The following PSD3 variants were observed in gnomAD, a reference collection of about 807,000 sequenced individuals.
The protein encoded by PSD3 is pleckstrin and Sec7 domain containing 3.
A neutral mutation model predicts 105.5 loss-of-function variants in PSD3; 49 were observed. The observed-to-expected ratio is 0.46, with a 90% CI of 0.37 to 0.59. The LOEUF is 0.59. PSD3 is among the 20% of genes least tolerant of loss of function. The probability of loss-of-function intolerance (pLI) is 0.00; values close to 1 mark genes in which losing one functional copy is unlikely to be tolerated. For synonymous variants in PSD3, 557 were observed against 457.8 expected, an observed-to-expected ratio of 1.22 and a Z score of -2.77; for missense variants, 1,561 against 1,263.8, an observed-to-expected ratio of 1.24 and a Z score of -3.57.
chr8:18,903,310 A>C (rs1313579295), intron 2 of PSD3, among the ~76,000 whole-genome samples: 4 of 152,136 alleles, frequency 2.6e-5, no homozygotes, highest in African/African-American at 9.7e-5. Context: ...ACCTTGTGGT[A>C]GTGACTCTAG....
At chr8:18,616,768 C>T (rs946709815) in intron 11 of PSD3, among the ~76,000 whole-genome samples, 2 of 150,330 alleles carry the variant, frequency 1.3e-5, no homozygotes, top group African/African-American at 2.4e-5. Flanking sequence ...GGACTACAGG[C>T]GCCCGCCACC....
chr8:18,830,123 A>C (rs1227425852), intron 4 of PSD3, among the ~76,000 whole-genome samples: 2 of 151,750 alleles, frequency 1.3e-5, no homozygotes, highest in Non-Finnish European at 2.9e-5. Flanking sequence ...ACGTGCCACA[A>C]CTCCTACAAG....
In PSD3 at chr8:18,647,067, G is replaced by A. The variant is rs527761335; in HGVS notation, c.2216+8575C>T. Among the ~76,000 whole-genome samples the A allele has an allele frequency of 5.9e-5, 9 of 152,238 alleles. No individual in the cohort carries two copies. The East Asian group carries it at 1.3e-3, about 23-fold the overall frequency. The stretch of plus-strand genomic sequence containing the variant: ...TACATGCACACACTCACACCTTCAT[G>A]GGCAGTGTTAAACATAATGGCAAAG... On this transcript the variant is annotated intron_variant, in intron 10 of 15. Coordinates refer to ENST00000327040, the MANE Select transcript of PSD3 (RefSeq NM_015310.4).
intron 1 of PSD3, among the ~76,000 whole-genome samples, chr8:19,083,862 C>T (rs1829723392): frequency 6.6e-6 from 1 of 152,252 alleles, no homozygotes; most frequent in South Asian, 2.1e-4. Flanking sequence ...ATGCCTAGCA[C>T]ATCACAGGAC....
chr8:18,803,851 G>C (rs925692064), intron 6 of PSD3, among the ~76,000 whole-genome samples: 1 of 152,044 alleles, frequency 6.6e-6, no homozygotes, highest in African/African-American at 2.4e-5. Flanking sequence ...CATGGAGATG[G>C]ACGGTGGTGA....
chr8:18,903,925 G>A (rs1819673246), intron 2 of PSD3, among the ~76,000 whole-genome samples: 2 of 152,166 alleles, frequency 1.3e-5, no homozygotes, highest in African/African-American at 4.8e-5. Flanking sequence ...CTCAGCCCAA[G>A]AAGGCGGGGA....
intron 14 of PSD3, among the ~76,000 whole-genome samples, chr8:18,564,654 A>C (rs1801618772): frequency 6.7e-6 from 1 of 150,272 alleles, no homozygotes; most frequent in African/African-American, 2.4e-5. Flanking sequence ...AGATATTTAG[A>C]GGGTAGAAGT....
intron 2 of PSD3, among the ~76,000 whole-genome samples, chr8:18,917,093 C>A (rs1178610345): frequency 6.6e-6 from 1 of 152,162 alleles, no homozygotes; most frequent in East Asian, 1.9e-4. Context: ...CACCCAGCTG[C>A]CCAAAGCAGA....
intron 14 of PSD3, among the ~76,000 whole-genome samples, chr8:18,558,027 A>G (rs6981532): frequency 0.15 from 23,466 of 152,188 alleles, 2,041 homozygotes; most frequent in East Asian, 0.38. Flanking sequence ...GCAAGCACCA[A>G]TGGAAGGCCA....
At chr8:18,577,135 G>C (rs970712586) in intron 12 of PSD3, among the ~76,000 whole-genome samples, 1 of 151,820 alleles carries the variant, frequency 6.6e-6, no homozygotes, top group Non-Finnish European at 1.5e-5. Context: ...TTTCTAGATA[G>C]TTTGTAGTTT....
intron 9 of PSD3, among the ~76,000 whole-genome samples, chr8:18,669,809 T>A (rs1023733616): frequency 6.6e-6 from 1 of 152,266 alleles, no homozygotes; most frequent in Non-Finnish European, 1.5e-5. Flanking sequence ...GCATATGGTA[T>A]AAGTATTAAT....
rs1384040050 is a variant in PSD3 at position 18,632,725 on chromosome 8, A to G, written c.2298T>C (p.Arg766=). 2 of 1,608,066 alleles carry G rather than the reference A, an allele frequency of 1.2e-6. No individual in the cohort carries two copies. The highest frequency in any genetic ancestry group is 2.7e-5 in the African/African-American group (2 of 74,860). Reference sequence around the variant, plus strand: ...AAAATGGGTTAGTAGTACTTCCAATACGACTGATGGTCTTTGGATGTGTTC... The same window carrying G: ...AAAATGGGTTAGTAGTACTTCCAATGCGACTGATGGTCTTTGGATGTGTTC... The part of the protein sequence containing the change: ...ANGTHPKTIS[R]IGSTTNPFLD... Residue 766 remains arginine, a synonymous_variant, in exon 11 of 16, where the codon CGT becomes CGC. Coordinates refer to ENST00000327040, the MANE Select transcript of PSD3 (RefSeq NM_015310.4).
chr8:18,910,847 C>G (rs988914988), intron 2 of PSD3, among the ~76,000 whole-genome samples: 5 of 150,108 alleles, frequency 3.3e-5, no homozygotes, highest in African/African-American at 1.2e-4. Context: ...GTATCTGACA[C>G]AGAAGTCGAA....
At chr8:18,915,553 C>A (rs1286133766) in intron 2 of PSD3, among the ~76,000 whole-genome samples, 2 of 152,078 alleles carry the variant, frequency 1.3e-5, no homozygotes, top group Non-Finnish European at 2.9e-5. Context: ...TAAAAACCTC[C>A]TATGGGCAAA....
intron 11 of PSD3, among the ~76,000 whole-genome samples, chr8:18,623,321 T>C (rs2130723381): frequency 6.6e-6 from 1 of 151,908 alleles, no homozygotes; most frequent in East Asian, 1.9e-4. Flanking sequence ...TTTAAAAATT[T>C]TATTTATAGG....
Position 18,876,664 on chromosome 8 carries a change from C to T in PSD3, c.131-3931G>A, listed in dbSNP as rs552725304. 8.5e-5 allele frequency among the ~76,000 whole-genome samples: 13 copies of T among 152,212 alleles called. No individual in the cohort carries two copies. In the East Asian group the frequency reaches 9.7e-4, roughly 11 times the overall value. On this transcript the variant is annotated intron_variant, in intron 2 of 15. Transcript: ENST00000327040. ...ATACGCCTGCCTCGGCCTCCTAAAG[C>T]GCTGGCATTACAGACATGAACCACC... is the stretch of plus-strand genomic sequence containing the variant.
At position 18,884,507 on chromosome 8, in the gene PSD3, C is replaced by T. The variant is rs1484730078; in HGVS notation, c.131-11774G>A. On this transcript the variant is annotated intron_variant, in intron 2 of 15. Transcript: ENST00000327040. The stretch of plus-strand genomic sequence containing the variant: ...TTATATTTTAAGACACTCTCTTCAC[C>T]CTAAGAAAAGTCACATTTTGAAGAA... 2.6e-5 allele frequency among the ~76,000 whole-genome samples: 4 copies of T among 152,020 alleles called. No individual in the cohort carries two copies. The East Asian group carries it at 7.7e-4, about 29-fold the overall frequency.
chr8:19,054,571 A>T (rs1056444979), intron 1 of PSD3, among the ~76,000 whole-genome samples: 12 of 152,312 alleles, frequency 7.9e-5, no homozygotes, highest in South Asian at 4.1e-4. Context: ...TCTTCCCCAC[A>T]TCTGCCGTAA....
chr8:18,813,385 G>A (rs911346226), intron 4 of PSD3, among the ~76,000 whole-genome samples: 2 of 152,158 alleles, frequency 1.3e-5, no homozygotes, highest in East Asian at 1.9e-4. Context: ...GGTAGCAATG[G>A]CAACCATCCC....
Sources: allele counts gnomAD v4.1 joint callset (sites outside exome capture counted in the v4.1 genomes callset), GRCh38; gene constraint gnomAD v4.1.1; transcripts MANE v1.5; gene names NCBI Gene and HGNC (gene_info 2026-07-23, HGNC 2026-07-21).